TENM1: variants seen among roughly 807,000 people sequenced by gnomAD.
The protein encoded by TENM1 is teneurin transmembrane protein 1.
Under a neutral mutation model 174.8 loss-of-function variants are expected in TENM1, and 35 were observed. The ratio of observed to expected loss-of-function variants is 0.20; its 90% CI spans 0.15 to 0.27. TENM1 has a LOEUF of 0.27. Among genes scored for constraint, TENM1 ranks in the 10% least tolerant of loss-of-function variants. The probability of loss-of-function intolerance (pLI) is 1.00; values close to 1 mark genes in which losing one functional copy is unlikely to be tolerated. For synonymous variants in TENM1, 781 were observed against 798.7 expected, an observed-to-expected ratio of 0.98 and a Z score of 0.37; for missense variants, 1,633 against 2,130.1, an observed-to-expected ratio of 0.77 and a Z score of 4.59.
At chrX:125,160,692 C>T in the TENM1 span, among the ~76,000 whole-genome samples, 4 of 109,791 alleles carry the variant, frequency 3.6e-5, no homozygotes, top group Non-Finnish European at 5.7e-5. Flanking sequence ...GATATCCTCG[C>T]TCCTCCACTT....
At chrX:124,384,750 C>A in exon 30 of TENM1, 1 of 1,211,524 alleles carries the variant, frequency 8.3e-7, no homozygotes, top group Non-Finnish European at 1.1e-6. Flanking sequence ...TCATTGATTA[C>A]AGCTTGCATG....
chrX:124,685,558 T>G, intron 5 of TENM1, among the ~76,000 whole-genome samples: 1 of 99,942 alleles, frequency 1.0e-5, no homozygotes, highest in African/African-American at 4.1e-5. Flanking sequence ...TTCAAGCAAA[T>G]CTGTTTTTTT....
At chrX:125,036,924 G>A in the TENM1 span, among the ~76,000 whole-genome samples, 3 of 111,559 alleles carry the variant, frequency 2.7e-5, no homozygotes, top group South Asian at 3.7e-4. Context: ...GTCAAAGGAA[G>A]AGCTTAAACA....
intron 3 of TENM1, among the ~76,000 whole-genome samples, chrX:124,793,840 G>T (rs964089841): frequency 9.1e-6 from 1 of 110,115 alleles, no homozygotes; most frequent in Admixed American, 9.8e-5. Flanking sequence ...TAGCAGACCC[G>T]GCTCTCTCCA....
chrX:124,736,909 T>A, intron 4 of TENM1, 48 bp downstream of exon 7: 1 of 1,164,800 alleles, frequency 8.6e-7, no homozygotes, highest in Non-Finnish European at 1.1e-6. Flanking sequence ...AGTAGAACCA[T>A]CCTCTGCCAA....
intron 1 of TENM1, among the ~76,000 whole-genome samples, chrX:124,938,049 T>C (rs773801653): frequency 3.7e-4 from 41 of 111,953 alleles, no homozygotes; most frequent in Non-Finnish European, 6.8e-4. Context: ...ACTCCATATA[T>C]GTTTATGCAA....
At chrX:124,994,216 C>CTT in the TENM1 span, among the ~76,000 whole-genome samples, 174 of 50,685 alleles carry the variant, frequency 3.4e-3, 6 homozygotes, top group African/African-American at 5.2e-3. Flanking sequence ...AATTGACTGA[C>CTT]TTTTTTTTTT....
chrX:125,142,369 G>C, the TENM1 span, among the ~76,000 whole-genome samples: 1 of 111,018 alleles, frequency 9.0e-6, no homozygotes, highest in Non-Finnish European at 1.9e-5. Context: ...GTACCACAAT[G>C]GTTATCAATT....
intron 23 of TENM1, among the ~76,000 whole-genome samples, chrX:124,449,751 G>T (rs1252362599): frequency 9.0e-6 from 1 of 111,684 alleles, no homozygotes; most frequent in East Asian, 2.8e-4. Context: ...AAAAGGGTTT[G>T]TTCATTTTGT....
rs1460176340 is a variant in TENM1 at position 124,886,388 on chromosome X, A to G, written c.535+7908T>C. On this transcript the variant is annotated intron_variant, in intron 3 of 31. Coordinates refer to ENST00000422452, the Ensembl canonical transcript of TENM1. ...ATATATCCATATGTATGTATTATAT[A>G]TTACACATATGCATACCATACATTC... 1.1e-4 allele frequency among the ~76,000 whole-genome samples: 12 copies of G among 109,744 alleles called. No individual in the cohort carries two copies. The East Asian group carries it at 3.4e-3, about 31-fold the overall frequency.
At chrX:124,557,059 G>C (rs2048710815) in intron 14 of TENM1, among the ~76,000 whole-genome samples, 1 of 111,184 alleles carries the variant, frequency 9.0e-6, no homozygotes, top group Non-Finnish European at 1.9e-5. Context: ...TGAAATGTTT[G>C]GCCTAAAGGT....
chrX:124,695,210 T>C (rs1489094751), intron 5 of TENM1, among the ~76,000 whole-genome samples: 1 of 111,126 alleles, frequency 9.0e-6, no homozygotes, highest in Non-Finnish European at 1.9e-5. Context: ...CCCCAGTTGA[T>C]GGTTCTCATA....
chrX:124,857,986 C>T (rs2056844749), intron 3 of TENM1, among the ~76,000 whole-genome samples: 1 of 111,618 alleles, frequency 9.0e-6, no homozygotes, highest in Non-Finnish European at 1.9e-5. Context: ...ATTTCTCCAG[C>T]TTATTTTCTT....
intron 3 of TENM1, among the ~76,000 whole-genome samples, chrX:124,879,011 T>G (rs2057257678): frequency 8.9e-6 from 1 of 112,298 alleles, no homozygotes. Flanking sequence ...AAATAAAATT[T>G]TCATATTTAT....
chrX:124,494,178 T>G (rs192552684), intron 20 of TENM1, among the ~76,000 whole-genome samples: 2 of 112,203 alleles, frequency 1.8e-5, no homozygotes, highest in African/African-American at 6.5e-5. Flanking sequence ...AGACTTTTCA[T>G]GTGTTTTAAT....
Position 124,631,868 on chromosome X carries a change from G to A in TENM1, c.2077+9923C>T, listed in dbSNP as rs189780031. Among the ~76,000 whole-genome samples the A allele has an allele frequency of 8.3e-3, 730 of 87,881 alleles. 26 individuals carry two copies. Among genetic ancestry groups the A allele is most frequent in the Admixed American group, 0.081 (603 of 7,424 alleles). 76.3% of individuals were successfully genotyped at this position (87,881 alleles called of 115,157 possible). On this transcript the variant is annotated intron_variant, in intron 11 of 31. Transcript: ENST00000422452. ...CAAGCCATTGCACTCCAGCCTGGGC[G>A]ACAGTATGAGACTCTGTCTCAAAAA...
chrX:124,707,083 G>A (rs953825055), intron 4 of TENM1, among the ~76,000 whole-genome samples: 8 of 109,269 alleles, frequency 7.3e-5, no homozygotes, highest in Non-Finnish European at 1.3e-4. Flanking sequence ...CCAGCTCACT[G>A]TAACTTCCAC....
At chrX:124,532,478 T>C (rs2048128556) in intron 15 of TENM1, among the ~76,000 whole-genome samples, 1 of 111,746 alleles carries the variant, frequency 8.9e-6, no homozygotes. Context: ...TCATTCTGTA[T>C]CTCGTTCTGA....
At chrX:124,929,238 C>T (rs2058134888) in intron 1 of TENM1, among the ~76,000 whole-genome samples, 1 of 111,553 alleles carries the variant, frequency 9.0e-6, no homozygotes, top group Non-Finnish European at 1.9e-5. Context: ...AAATACTCAC[C>T]CTCCCTCGAA....
Sources: gnomAD v4.1 joint callset for allele counts (sites outside exome capture counted in the v4.1 genomes callset) on GRCh38, gnomAD v4.1.1 for gene constraint, MANE v1.5 for transcripts, NCBI Gene and HGNC (gene_info 2026-07-23, HGNC 2026-07-21) for gene names.